The following AGBL1 variants were observed in gnomAD, a reference collection of about 807,000 sequenced individuals.
AGBL1 encodes the protein cytosolic carboxypeptidase 4.
In AGBL1, 130 loss-of-function variants were observed where a neutral mutation model predicts 118.9. That is an observed-to-expected ratio of 1.09 (90% CI 0.95 to 1.26). The LOEUF (loss-of-function observed/expected upper bound fraction) is 1.26, where lower values mean the gene tolerates loss of function less well. Among genes scored for constraint, AGBL1 ranks in the 50% most tolerant of loss-of-function variants. The pLI is 0.00. For missense variants in AGBL1, 1,584 were observed against 1,298.1 expected, an observed-to-expected ratio of 1.22 and a Z score of -3.38; for synonymous variants, 555 against 478.9, an observed-to-expected ratio of 1.16 and a Z score of -2.08.
At chr15:86,317,446 T>A (rs955493660) in intron 17 of AGBL1, among the ~76,000 whole-genome samples, 1 of 152,066 alleles carries the variant, frequency 6.6e-6, no homozygotes, top group Non-Finnish European at 1.5e-5. Context: ...ACTGGAGAAA[T>A]TAGGAGTGAA....
At chr15:86,883,732 AT>A (rs895232257) in intron 22 of AGBL1, among the ~76,000 whole-genome samples, 9 of 152,036 alleles carry the variant, frequency 5.9e-5, no homozygotes, top group African/African-American at 1.4e-4. Context: ...TCCTTCTTCC[AT>A]TTTTTTTCTA....
chr15:86,713,902 T>C (rs190072673), intron 22 of AGBL1, among the ~76,000 whole-genome samples: 40 of 152,288 alleles, frequency 2.6e-4, no homozygotes, highest in Non-Finnish European at 4.6e-4. Flanking sequence ...TTGACCAAGT[T>C]GAGCATGCGG....
At chr15:86,113,217 C>G (rs552723718) in intron 1 of AGBL1, among the ~76,000 whole-genome samples, 607 of 50,796 alleles carry the variant, frequency 0.012, 4 homozygotes, top group South Asian at 0.02. Context: ...TTTTCTTTTT[C>G]TTTTCTTTTC....
chr15:86,716,268 C>T (rs764094516), intron 22 of AGBL1, among the ~76,000 whole-genome samples: 27 of 152,062 alleles, frequency 1.8e-4, no homozygotes, highest in Admixed American at 5.9e-4. Flanking sequence ...GTGAAGGTGA[C>T]TGCTAAATAC....
chr15:86,665,518 A>G (rs921491885), intron 21 of AGBL1, among the ~76,000 whole-genome samples: 2 of 151,718 alleles, frequency 1.3e-5, no homozygotes, highest in Non-Finnish European at 1.5e-5. Context: ...GCAAATTAAC[A>G]TTTTCTTCTC....
At chr15:86,867,665 T>G (rs1337603844) in intron 22 of AGBL1, among the ~76,000 whole-genome samples, 1 of 152,168 alleles carries the variant, frequency 6.6e-6, no homozygotes, top group Non-Finnish European at 1.5e-5. Flanking sequence ...GTGGGGCTTA[T>G]AGTGCTAGAT....
rs151145688 is a variant in AGBL1, at chr15:86,285,812, C to T, written c.2220+6029C>T. Among the ~76,000 whole-genome samples, 533 of 152,252 alleles carry T rather than the reference C, an allele frequency of 3.5e-3. 4 individuals are homozygous for T. Among genetic ancestry groups the T allele is most frequent in the African/African-American group, 0.012 (499 of 41,572 alleles). The stretch of plus-strand genomic sequence containing the variant: ...AGAAGAAAACTTTCAGGCTTTGCCT[C>T]GTCCAACATTTGCTGCTTGGGAGCC... On this transcript the variant is annotated intron_variant, in intron 16 of 22. Transcript: ENST00000614907.
At chr15:86,236,563 G>T (rs11633698) in intron 6 of AGBL1, among the ~76,000 whole-genome samples, 16,395 of 152,066 alleles carry the variant, frequency 0.11, 1,190 homozygotes, top group Non-Finnish European at 0.16. Flanking sequence ...TGATTGCATA[G>T]TGTTACAGCT....
At chr15:86,247,358 A>G (rs749331103) in intron 6 of AGBL1, among the ~76,000 whole-genome samples, 3 of 152,012 alleles carry the variant, frequency 2.0e-5, no homozygotes, top group Non-Finnish European at 2.9e-5. Context: ...ATTTTGTAGC[A>G]TGTCCTTCAT....
intron 7 of AGBL1, among the ~76,000 whole-genome samples, chr15:86,249,438 C>A (rs2078772887): frequency 6.6e-6 from 1 of 152,158 alleles, no homozygotes; most frequent in East Asian, 1.9e-4. Flanking sequence ...TGCTGCAAAC[C>A]AATATCTAAC....
chr15:86,315,542 C>T (rs1229682725), intron 17 of AGBL1, among the ~76,000 whole-genome samples: 1 of 151,630 alleles, frequency 6.6e-6, no homozygotes, highest in East Asian at 1.9e-4. Context: ...GGTGAAACCC[C>T]GTCTCTACTA....
At chr15:86,530,402 G>T (rs994314399) in intron 19 of AGBL1, among the ~76,000 whole-genome samples, 1 of 138,070 alleles carries the variant, frequency 7.2e-6, no homozygotes, top group Non-Finnish European at 1.5e-5. Flanking sequence ...TCAACAAGAG[G>T]AGCTAACTAT....
intron 1 of AGBL1, among the ~76,000 whole-genome samples, chr15:86,114,780 A>T (rs1897651618): frequency 6.6e-6 from 1 of 152,150 alleles, no homozygotes. Flanking sequence ...TGCCCACTTC[A>T]GAACTGTTTG....
At chr15:86,543,934 A>G (rs2083540503) in intron 19 of AGBL1, among the ~76,000 whole-genome samples, 2 of 152,248 alleles carry the variant, frequency 1.3e-5, no homozygotes, top group African/African-American at 4.8e-5. Flanking sequence ...GATAAGGAGA[A>G]GGCATACACA....
intron 21 of AGBL1, among the ~76,000 whole-genome samples, chr15:86,640,969 ATTT>A (rs59709098): frequency 3.3e-5 from 5 of 150,668 alleles, no homozygotes; most frequent in Non-Finnish European, 5.9e-5. Context: ...ACTGAGGTTG[ATTT>A]TTTTTTTTAT....
chr15:86,391,141 A>G (rs1368022128), intron 17 of AGBL1, among the ~76,000 whole-genome samples: 1 of 152,100 alleles, frequency 6.6e-6, no homozygotes, highest in African/African-American at 2.4e-5. Flanking sequence ...TGATCATTTG[A>G]TTTTACAACA....
intron 17 of AGBL1, among the ~76,000 whole-genome samples, chr15:86,359,850 T>G (rs1198626044): frequency 2.0e-5 from 3 of 151,734 alleles, no homozygotes; most frequent in Admixed American, 1.3e-4. Flanking sequence ...AATTTTCTTT[T>G]CAGATACTTT....
intron 22 of AGBL1, among the ~76,000 whole-genome samples, chr15:86,802,530 C>G (rs1340312481): frequency 6.6e-6 from 1 of 152,124 alleles, no homozygotes; most frequent in East Asian, 1.9e-4. Flanking sequence ...ATTCTACCCT[C>G]TTTATTTTTA....
chr15:86,204,593 T>C (rs1002851283), intron 5 of AGBL1, among the ~76,000 whole-genome samples: 1 of 151,920 alleles, frequency 6.6e-6, no homozygotes, highest in African/African-American at 2.4e-5. Context: ...TTGGTTCGTT[T>C]AGTTTTGTTT....
Sources: gnomAD v4.1 joint callset for allele counts (sites outside exome capture counted in the v4.1 genomes callset) on GRCh38, gnomAD v4.1.1 for gene constraint, MANE v1.5 for transcripts, NCBI Gene and HGNC (gene_info 2026-07-23, HGNC 2026-07-21) for gene names.